ITGA1: variants seen among roughly 807,000 people sequenced by gnomAD.
The protein encoded by ITGA1 is integrin alpha-1.
A neutral mutation model predicts 145.9 loss-of-function variants in ITGA1; 85 were observed. That is an observed-to-expected ratio of 0.58 (90% CI 0.49 to 0.70). ITGA1 has a LOEUF of 0.70. ITGA1 is among the 30% of genes least tolerant of loss of function. The pLI, the probability that ITGA1 is intolerant of heterozygous loss-of-function variation, is 0.00. For synonymous variants in ITGA1, 520 were observed against 495.3 expected, an observed-to-expected ratio of 1.05 and a Z score of -0.66; for missense variants, 1,351 against 1,418.7, an observed-to-expected ratio of 0.95 and a Z score of 0.77.
chr5:52,887,727 G>C, intron 7 of ITGA1, 88 bp from the exon 8 acceptor site: 1 of 1,300,696 alleles, frequency 7.7e-7, no homozygotes, highest in South Asian at 1.6e-5. Flanking sequence ...AGGCTACCTA[G>C]AGTAGTCAGT....
At chr5:52,874,833 A>G (rs568101874) in intron 6 of ITGA1, among the ~76,000 whole-genome samples, 1 of 152,366 alleles carries the variant, frequency 6.6e-6, no homozygotes, top group East Asian at 1.9e-4. Context: ...TGTCATAAAT[A>G]TAATGAAGGT....
chr5:52,856,885 A>G (rs1749523535), intron 2 of ITGA1, among the ~76,000 whole-genome samples: 1 of 152,138 alleles, frequency 6.6e-6, no homozygotes, highest in Non-Finnish European at 1.5e-5. Context: ...TGGTCCCTCA[A>G]CTGGGGCTGG....
intron 14 of ITGA1, among the ~76,000 whole-genome samples, chr5:52,912,715 TGTG>T: frequency 4.0e-5 from 1 of 24,804 alleles, no homozygotes; most frequent in Non-Finnish European, 7.7e-5. Context: ...ATATATAGTG[TGTG>T]TGTGTGTGTG....
intron 7 of ITGA1, among the ~76,000 whole-genome samples, chr5:52,885,486 C>T (rs1428140154): frequency 6.6e-6 from 1 of 152,158 alleles, no homozygotes; most frequent in Non-Finnish European, 1.5e-5. Context: ...ACACCTCTCA[C>T]CAGTATTGCT....
At position 52,957,828 on chromosome 5, in the gene ITGA1, T is replaced by A. The variant is rs1751325335; in HGVS notation, c.*5377T>A. 6.6e-6 allele frequency: 1 copy of A among 152,218 alleles called. No individual in the cohort carries two copies. The highest frequency in any genetic ancestry group is 2.1e-4 in the South Asian group (1 of 4,826). 9.4% of individuals were successfully genotyped at this position (152,218 alleles called of 1,614,324 possible). On this transcript the variant is annotated 3_prime_UTR_variant, in exon 29 of 29. Transcript: ENST00000282588. ...GACCTGTGACACTCATAACTATGTT[T>A]ACATTTGGCTTTAGCATATTTCAGG...
Position 52,958,757 on chromosome 5 carries a change from T to G in ITGA1, c.*6306T>G, listed in dbSNP as rs554595270. 2.0e-5 allele frequency: 3 copies of G among 152,294 alleles called. No individual in the cohort carries two copies. The South Asian group carries it at 6.2e-4, about 32-fold the overall frequency. 9.4% of individuals were successfully genotyped at this position (152,294 alleles called of 1,614,324 possible). On this transcript the variant is annotated 3_prime_UTR_variant, in exon 29 of 29. Coordinates refer to ENST00000282588, the MANE Select transcript of ITGA1 (RefSeq NM_181501.2). Reference sequence around the variant, plus strand: ...ACTACTGCCCTGAAATATCCATCACTCCAATGAACTGTTCTGCCTGATCTA... The same window carrying G: ...ACTACTGCCCTGAAATATCCATCACGCCAATGAACTGTTCTGCCTGATCTA...
At chr5:52,828,149 C>A (rs1372302527) in intron 1 of ITGA1, among the ~76,000 whole-genome samples, 1 of 152,092 alleles carries the variant, frequency 6.6e-6, no homozygotes. Context: ...GTTTTCAATT[C>A]TTTGGGGGTG....
intron 6 of ITGA1, among the ~76,000 whole-genome samples, chr5:52,873,260 G>A (rs1319058450): frequency 1.3e-5 from 2 of 152,078 alleles, no homozygotes; most frequent in Non-Finnish European, 2.9e-5. Context: ...TTTCTTTGCA[G>A]GTGTTTACCC....
intron 2 of ITGA1, among the ~76,000 whole-genome samples, chr5:52,852,115 G>A (rs1749440148): frequency 6.6e-6 from 1 of 152,098 alleles, no homozygotes; most frequent in Non-Finnish European, 1.5e-5. Flanking sequence ...TCCAAGCTTG[G>A]GAAGCCACAA....
In ITGA1 at chr5:52,912,514, T is replaced by C. The variant is rs550696636; in HGVS notation, c.1857+2095T>C. Among the ~76,000 whole-genome samples, 4 of 126,794 alleles carry C rather than the reference T, an allele frequency of 3.2e-5. No homozygotes were observed. The South Asian group carries it at 1.0e-3, about 33-fold the overall frequency. 83.2% of individuals were successfully genotyped at this position (126,794 alleles called of 152,430 possible). ...ATATATAGTGTATCCACTATAGGTA[T>C]TATATATAGTGTATCCACTATAGGT... On this transcript the variant is annotated intron_variant, in intron 14 of 28. Coordinates refer to ENST00000282588, the MANE Select transcript of ITGA1 (RefSeq NM_181501.2).
intron 17 of ITGA1, 21 bp downstream of exon 17, chr5:52,920,489 T>C: frequency 6.4e-7 from 1 of 1,566,346 alleles, no homozygotes. Context: ...CATATATCGT[T>C]GCTGCCTTAT....
rs748932669 is a variant in ITGA1, at chr5:52,893,663, G to A, written c.925-12G>A. 3 of 1,603,022 alleles carry A rather than the reference G, an allele frequency of 1.9e-6. No individual in the cohort carries two copies. Among genetic ancestry groups the A allele is most frequent in the South Asian group, 1.1e-5 (1 of 89,210 alleles). ...TTTAAAATATATTCTTGCTGTTTCT[G>A]TTGTGTCTTAGATTCTTGGCAGCTA... On this transcript the variant is annotated splice_polypyrimidine_tract_variant and intron_variant, in intron 8 of 28. Coordinates refer to ENST00000282588, the MANE Select transcript of ITGA1 (RefSeq NM_181501.2).
Position 52,952,984 on chromosome 5 carries a change from C to G in ITGA1, c.*533C>G, listed in dbSNP as rs1010120171. Reference sequence around the variant, plus strand: ...ATACAATATGGATTGAAAATTAAGTCACCAAGAATACATTTAGCATCTTTG... The same window carrying G: ...ATACAATATGGATTGAAAATTAAGTGACCAAGAATACATTTAGCATCTTTG... On this transcript the variant is annotated 3_prime_UTR_variant, in exon 29 of 29. Coordinates refer to ENST00000282588, the MANE Select transcript of ITGA1 (RefSeq NM_181501.2). 2.6e-5 allele frequency: 4 copies of G among 152,020 alleles called. No homozygotes were observed. Among genetic ancestry groups the G allele is most frequent in the African/African-American group, 9.7e-5 (4 of 41,380 alleles). 9.4% of individuals were successfully genotyped at this position (152,020 alleles called of 1,614,324 possible). A position where few individuals can be genotyped will look rare whatever the true frequency, so the allele number is the denominator to read the frequency against.
chr5:52,938,853 G>A (rs979095029), intron 24 of ITGA1, among the ~76,000 whole-genome samples: 7 of 151,888 alleles, frequency 4.6e-5, no homozygotes, highest in Admixed American at 2.0e-4. Flanking sequence ...AAGGTCTCTC[G>A]CTTTTCAATT....
At chr5:52,826,933 C>G (rs1326505343) in intron 1 of ITGA1, among the ~76,000 whole-genome samples, 1 of 152,094 alleles carries the variant, frequency 6.6e-6, no homozygotes, top group Non-Finnish European at 1.5e-5. Context: ...CTGTACCCAT[C>G]TATCAAAAAG....
intron 1 of ITGA1, among the ~76,000 whole-genome samples, chr5:52,806,073 A>G (rs761938646): frequency 5.3e-5 from 8 of 152,190 alleles, no homozygotes; most frequent in East Asian, 1.9e-4. Context: ...TTTTCTTCCA[A>G]TGGATGTCAG....
chr5:52,866,988 T>C (rs1217439209), intron 6 of ITGA1: 1 of 150,962 alleles, frequency 6.6e-6, no homozygotes, highest in African/African-American at 2.4e-5. Context: ...TTTAAGATTA[T>C]AGTACTGCAA....
intron 1 of ITGA1, among the ~76,000 whole-genome samples, chr5:52,823,920 A>T (rs1326380471): frequency 1.3e-5 from 2 of 152,218 alleles, no homozygotes; most frequent in Non-Finnish European, 1.5e-5. Flanking sequence ...ACGTTTGCCA[A>T]TTTATTTTAC....
Position 52,893,667 on chromosome 5 carries a change from T to A in ITGA1, c.925-8T>A. On this transcript the variant is annotated splice_region_variant and splice_polypyrimidine_tract_variant and intron_variant, in intron 8 of 28. Transcript: ENST00000282588. Reference sequence around the variant, plus strand: ...AAATATATTCTTGCTGTTTCTGTTGTGTCTTAGATTCTTGGCAGCTATAAC... The same window carrying A: ...AAATATATTCTTGCTGTTTCTGTTGAGTCTTAGATTCTTGGCAGCTATAAC... The A allele has an allele frequency of 6.2e-7, 1 of 1,603,488 alleles. No individual in the cohort carries two copies. Among genetic ancestry groups the A allele is most frequent in the African/African-American group, 1.3e-5 (1 of 74,488 alleles).
Sources: gnomAD v4.1 joint callset for allele counts (sites outside exome capture counted in the v4.1 genomes callset) on GRCh38, gnomAD v4.1.1 for gene constraint, MANE v1.5 for transcripts, NCBI Gene and HGNC (gene_info 2026-07-23, HGNC 2026-07-21) for gene names.